GMDS: variants seen among roughly 807,000 people sequenced by gnomAD.
GMDS encodes the protein GDP-mannose 4,6-dehydratase, also known as GDP-mannose 4,6 dehydratase.
GMDS carries 20 observed loss-of-function variants against 49.9 expected under a neutral mutation model. That is an observed-to-expected ratio of 0.40 (90% CI 0.28 to 0.58). The LOEUF (loss-of-function observed/expected upper bound fraction) is 0.58. Ranked by LOEUF, GMDS falls within the 20% of genes least tolerant of loss-of-function variation. The pLI is 0.42. For missense variants in GMDS, 362 were observed against 481.4 expected (o/e 0.75, Z 2.32); for synonymous variants, 177 against 178.6 (o/e 0.99, Z 0.07).
chr6:1,737,738 A>G (rs1311644707), intron 8 of GMDS, among the ~76,000 whole-genome samples: 2 of 124,372 alleles, frequency 1.6e-5, no homozygotes, highest in Non-Finnish European at 3.8e-5. Context: ...ACACACACAC[A>G]CATACACATA....
intron 9 of GMDS, among the ~76,000 whole-genome samples, chr6:1,700,712 C>A (rs76342682): frequency 1.3e-5 from 2 of 152,072 alleles, no homozygotes; most frequent in African/African-American, 4.8e-5. Context: ...ATGTCCTATG[C>A]GGTGGCAAGA....
chr6:1,671,274 A>AT (rs1271584746), intron 9 of GMDS, among the ~76,000 whole-genome samples: 1 of 152,142 alleles, frequency 6.6e-6, no homozygotes, highest in African/African-American at 2.4e-5. Context: ...AGACACATTC[A>AT]TGTTGGTGCA....
At chr6:2,215,822 T>G (rs1047802560) in intron 1 of GMDS, among the ~76,000 whole-genome samples, 1 of 152,338 alleles carries the variant, frequency 6.6e-6, no homozygotes, top group East Asian at 1.9e-4. Flanking sequence ...TGAACATTGA[T>G]AGACATCTAA....
intron 7 of GMDS, among the ~76,000 whole-genome samples, chr6:1,819,760 C>CAA (rs1197523577): frequency 0.073 from 8,047 of 110,908 alleles, 304 homozygotes; most frequent in African/African-American, 0.083. Context: ...GACTCTGCCT[C>CAA]AAAAAAAAAA....
chr6:1,983,234 C>T (rs753901488), intron 4 of GMDS, among the ~76,000 whole-genome samples: 11 of 152,026 alleles, frequency 7.2e-5, no homozygotes, highest in African/African-American at 9.7e-5. Context: ...CAACTCAACA[C>T]GGACTAAAGA....
chr6:1,996,779 T>C (rs1466397802), intron 4 of GMDS, among the ~76,000 whole-genome samples: 1 of 152,106 alleles, frequency 6.6e-6, no homozygotes, highest in Non-Finnish European at 1.5e-5. Flanking sequence ...CACCTAGGTA[T>C]AAGGGGAGCT....
At chr6:1,755,692 G>A (rs1010825310) in intron 7 of GMDS, among the ~76,000 whole-genome samples, 6 of 152,094 alleles carry the variant, frequency 3.9e-5, no homozygotes, top group African/African-American at 1.4e-4. Flanking sequence ...ATAGTGCTGG[G>A]AAAACTGGCT....
intron 9 of GMDS, among the ~76,000 whole-genome samples, chr6:1,678,132 A>C (rs534754467): frequency 5.0e-4 from 76 of 152,140 alleles, no homozygotes; most frequent in African/African-American, 1.7e-3. Flanking sequence ...CAGCCTTAGG[A>C]GGGACCCCAC....
intron 4 of GMDS, among the ~76,000 whole-genome samples, chr6:1,995,569 C>T (rs967032905): frequency 4.6e-5 from 7 of 152,190 alleles, no homozygotes; most frequent in Non-Finnish European, 1.0e-4. Context: ...GTTAGGTTTA[C>T]TAGAGATCCT....
At chr6:1,732,983 G>A (rs901266582) in intron 8 of GMDS, among the ~76,000 whole-genome samples, 12 of 152,332 alleles carry the variant, frequency 7.9e-5, no homozygotes, top group East Asian at 7.7e-4. Context: ...AGACTGCAAC[G>A]AAGAAGATGG....
At chr6:2,196,355 G>GC (rs1779275158) in intron 1 of GMDS, among the ~76,000 whole-genome samples, 1 of 152,212 alleles carries the variant, frequency 6.6e-6, no homozygotes, top group Non-Finnish European at 1.5e-5. Context: ...TTGGTGCCAA[G>GC]ACCAGAAAGA....
chr6:1,920,033 A>C (rs988183619), intron 7 of GMDS, among the ~76,000 whole-genome samples: 1 of 152,248 alleles, frequency 6.6e-6, no homozygotes, highest in African/African-American at 2.4e-5. Context: ...GGATAAGGAG[A>C]ATCTTTGTGG....
chr6:1,975,785 A>G (rs1764865190), intron 4 of GMDS, among the ~76,000 whole-genome samples: 2 of 152,218 alleles, frequency 1.3e-5, no homozygotes, highest in Admixed American at 1.3e-4. Flanking sequence ...CTGTACCCAT[A>G]GTCTCAGAGT....
intron 7 of GMDS, among the ~76,000 whole-genome samples, chr6:1,812,557 G>A (rs1482093900): frequency 6.6e-6 from 1 of 151,692 alleles, no homozygotes; most frequent in African/African-American, 2.4e-5. Context: ...GGAAGAGAAG[G>A]GGCAGCAAAG....
intron 4 of GMDS, among the ~76,000 whole-genome samples, chr6:2,007,506 G>A (rs6925459): frequency 0.46 from 70,182 of 151,822 alleles, 16,474 homozygotes; most frequent in African/African-American, 0.54. Context: ...GAAAAATTCT[G>A]TAAGAAATTT....
intron 7 of GMDS, among the ~76,000 whole-genome samples, chr6:1,917,147 C>T (rs1049447838): frequency 2.6e-5 from 4 of 152,040 alleles, no homozygotes; most frequent in Non-Finnish European, 5.9e-5. Flanking sequence ...AGTAGAGATG[C>T]TAGTTTATAT....
At chr6:2,027,425 T>C (rs977315456) in intron 4 of GMDS, among the ~76,000 whole-genome samples, 2 of 152,226 alleles carry the variant, frequency 1.3e-5, no homozygotes, top group African/African-American at 4.8e-5. Flanking sequence ...AAGGTGATTT[T>C]ATTTTAAAGC....
At chr6:2,223,776 GA>G (rs1209191504) in intron 1 of GMDS, among the ~76,000 whole-genome samples, 1 of 152,206 alleles carries the variant, frequency 6.6e-6, no homozygotes, top group Admixed American at 6.5e-5. Context: ...AGATGTCTAT[GA>G]AATACCTACA....
chr6:1,752,934 C>G (rs1767789358), intron 7 of GMDS, among the ~76,000 whole-genome samples: 1 of 152,132 alleles, frequency 6.6e-6, no homozygotes, highest in South Asian at 2.1e-4. Context: ...AAAAACATGC[C>G]AAATTGTAAA....
Sources: allele counts gnomAD v4.1 joint callset (sites outside exome capture counted in the v4.1 genomes callset), GRCh38; gene constraint gnomAD v4.1.1; transcripts MANE v1.5; gene names NCBI Gene and HGNC (gene_info 2026-07-23, HGNC 2026-07-21).